Variants in TRAPPC9 observed in about 807,000 individuals in gnomAD.
TRAPPC9 encodes the protein IKK2 binding protein.
A neutral mutation model predicts 124.0 loss-of-function variants in TRAPPC9; 83 were observed. The observed-to-expected ratio is 0.67, with a 90% CI of 0.56 to 0.80. The LOEUF (loss-of-function observed/expected upper bound fraction) is 0.80. Ranked by LOEUF, TRAPPC9 falls within the 30% of genes least tolerant of loss-of-function variation. The pLI, the probability that TRAPPC9 is intolerant of heterozygous loss-of-function variation, is 0.00. For synonymous variants in TRAPPC9, 638 were observed against 617.5 expected, an observed-to-expected ratio of 1.03 and a Z score of -0.49; for missense variants, 1,302 against 1,508.3, an observed-to-expected ratio of 0.86 and a Z score of 2.27.
intron 15 of TRAPPC9, among the ~76,000 whole-genome samples, chr8:140,268,160 A>G (rs1028927602): frequency 6.6e-6 from 1 of 152,202 alleles, no homozygotes; most frequent in Admixed American, 6.6e-5. Flanking sequence ...AAATCAATCC[A>G]CAACCAAGTC....
chr8:140,042,132 T>C (rs1349072984), intron 17 of TRAPPC9, among the ~76,000 whole-genome samples: 1 of 152,158 alleles, frequency 6.6e-6, no homozygotes, highest in Admixed American at 6.5e-5. Context: ...GAAAGTATCC[T>C]TCTTAGGAGG....
chr8:139,819,827 C>G (rs1268455697), intron 21 of TRAPPC9, among the ~76,000 whole-genome samples: 5 of 151,780 alleles, frequency 3.3e-5, no homozygotes, highest in Admixed American at 6.6e-5. Context: ...TCCTGGCTAA[C>G]ACAGTGAAAC....
intron 21 of TRAPPC9, chr8:139,806,025 T>C (rs1824027044): frequency 6.6e-6 from 1 of 152,220 alleles, no homozygotes; most frequent in Non-Finnish European, 1.5e-5. Flanking sequence ...AGTGGAACAG[T>C]CAAGGGCTGC....
At chr8:139,915,807 A>G (rs1832088988) in intron 19 of TRAPPC9, among the ~76,000 whole-genome samples, 1 of 152,218 alleles carries the variant, frequency 6.6e-6, no homozygotes, top group Non-Finnish European at 1.5e-5. Flanking sequence ...CTGTGAGGGA[A>G]GGGCTGTCTG....
intron 9 of TRAPPC9, among the ~76,000 whole-genome samples, chr8:140,328,845 G>A (rs2066813692): frequency 1.3e-5 from 2 of 152,250 alleles, no homozygotes; most frequent in African/African-American, 4.8e-5. Context: ...TTTGATGCTC[G>A]ATTGGACACA....
chr8:139,965,894 G>C (rs1275335435), intron 19 of TRAPPC9, among the ~76,000 whole-genome samples: 2 of 138,594 alleles, frequency 1.4e-5, no homozygotes, highest in Non-Finnish European at 3.3e-5. Context: ...AGTGAGGGAA[G>C]CACAGCAGAC....
chr8:140,227,634 T>C (rs998412958), intron 16 of TRAPPC9, among the ~76,000 whole-genome samples: 3 of 152,174 alleles, frequency 2.0e-5, no homozygotes, highest in Admixed American at 1.3e-4. Context: ...TGATGACAAT[T>C]GGGGAAAATG....
intron 17 of TRAPPC9, among the ~76,000 whole-genome samples, chr8:140,201,975 T>C (rs913509240): frequency 1.3e-5 from 2 of 151,830 alleles, no homozygotes; most frequent in Non-Finnish European, 2.9e-5. Flanking sequence ...AAGGAAAAAA[T>C]GTGGAAGGTT....
chr8:139,851,267 C>T (rs186788234), intron 21 of TRAPPC9, among the ~76,000 whole-genome samples: 99 of 152,274 alleles, frequency 6.5e-4, no homozygotes, highest in Non-Finnish European at 3.1e-4. Context: ...TGAACTTGAC[C>T]GGATTCAAAC....
intron 21 of TRAPPC9, among the ~76,000 whole-genome samples, chr8:139,799,810 C>T (rs768538097): frequency 6.6e-6 from 1 of 152,216 alleles, no homozygotes; most frequent in African/African-American, 2.4e-5. Flanking sequence ...GGCTGGGGCT[C>T]GTCCCCCTTT....
intron 21 of TRAPPC9, among the ~76,000 whole-genome samples, chr8:139,777,859 G>A (rs192895046): frequency 1.3e-5 from 2 of 152,328 alleles, no homozygotes; most frequent in Non-Finnish European, 2.9e-5. Flanking sequence ...ACAGGGAGTG[G>A]GGACCTCAGG....
intron 17 of TRAPPC9, among the ~76,000 whole-genome samples, chr8:140,046,415 G>A (rs113921346): frequency 0.017 from 2,628 of 152,336 alleles, 81 homozygotes; most frequent in African/African-American, 0.059. Flanking sequence ...AGGGGCCTTC[G>A]CCCCAGACTC....
chr8:139,894,499 G>A (rs1303109010), intron 20 of TRAPPC9, among the ~76,000 whole-genome samples: 1 of 152,166 alleles, frequency 6.6e-6, no homozygotes, highest in Non-Finnish European at 1.5e-5. Context: ...CCTAGGAAAC[G>A]CCATCCCCTG....
At chr8:139,921,582 A>C (rs1161089583) in intron 19 of TRAPPC9, among the ~76,000 whole-genome samples, 1 of 152,122 alleles carries the variant, frequency 6.6e-6, no homozygotes, top group African/African-American at 2.4e-5. Context: ...TGACCAAGTT[A>C]AGACACACAG....
chr8:140,057,118 T>C (rs1159609170), intron 17 of TRAPPC9, among the ~76,000 whole-genome samples: 1 of 152,112 alleles, frequency 6.6e-6, no homozygotes, highest in Non-Finnish European at 1.5e-5. Flanking sequence ...ATTAGGGAAA[T>C]GCAAATCAAA....
At chr8:139,906,160 C>T (rs1401384809) in intron 20 of TRAPPC9, among the ~76,000 whole-genome samples, 9 of 152,164 alleles carry the variant, frequency 5.9e-5, no homozygotes, top group Admixed American at 5.9e-4. Flanking sequence ...TTAGCTCATC[C>T]GGTCAGGCCC....
chr8:140,099,707 A>C lies in TRAPPC9; in HGVS notation c.2557-75628T>G, dbSNP rs890207631. 14 of 151,974 alleles carry C rather than the reference A, an allele frequency of 9.2e-5. 1 individual carries two copies. The highest frequency in any genetic ancestry group is 8.5e-4 in the Admixed American group (13 of 15,242). The allele number at this position is 151,974 out of a possible 1,614,324, so 9.4% of individuals were successfully genotyped here. On this transcript the variant is annotated intron_variant, in intron 17 of 22. Coordinates refer to ENST00000438773, the MANE Select transcript of TRAPPC9 (RefSeq NM_001160372.4). Reference sequence around the variant, plus strand: ...CAGCTGCAGGAGTGCCGCAATCCACAGGGTACTGACACCCGCCCGGGTCTC... The same window carrying C: ...CAGCTGCAGGAGTGCCGCAATCCACCGGGTACTGACACCCGCCCGGGTCTC...
chr8:140,454,718 C>T (rs964758280), intron 1 of TRAPPC9, among the ~76,000 whole-genome samples: 3 of 149,978 alleles, frequency 2.0e-5, no homozygotes, highest in Admixed American at 6.7e-5. Context: ...TCGAGTGGAT[C>T]GCCTGAGGTC....
At chr8:140,018,630 T>G (rs1839636199) in intron 18 of TRAPPC9, among the ~76,000 whole-genome samples, 1 of 152,162 alleles carries the variant, frequency 6.6e-6, no homozygotes, top group Non-Finnish European at 1.5e-5. Flanking sequence ...CCTGGCCACA[T>G]AAGTGATTTT....
Sources: allele counts gnomAD v4.1 joint callset (sites outside exome capture counted in the v4.1 genomes callset), GRCh38; gene constraint gnomAD v4.1.1; transcripts MANE v1.5; gene names NCBI Gene and HGNC (gene_info 2026-07-23, HGNC 2026-07-21).